Variants in LAMB4 observed in about 807,000 individuals in gnomAD.
The protein encoded by LAMB4 is laminin subunit beta 4.
A neutral mutation model predicts 199.2 loss-of-function variants in LAMB4; 196 were observed. That is an observed-to-expected ratio of 0.98 (90% CI 0.88 to 1.11). LAMB4 has a LOEUF of 1.11. LAMB4 is among the 50% of genes least tolerant of loss of function. The pLI, the probability that LAMB4 is intolerant of heterozygous loss-of-function variation, is 0.00. For missense variants in LAMB4, 2,080 were observed against 2,171.2 expected (o/e 0.96, Z 0.83); for synonymous variants, 744 against 770.6 (o/e 0.97, Z 0.57).
At chr7:108,089,401 C>A (rs2037313400) in intron 14 of LAMB4, among the ~76,000 whole-genome samples, 2 of 152,162 alleles carry the variant, frequency 1.3e-5, no homozygotes, top group African/African-American at 2.4e-5. Context: ...TGCCTTGGTT[C>A]TCCTCTGAAT....
intron 1 of LAMB4, among the ~76,000 whole-genome samples, chr7:108,127,198 T>C: frequency 7.2e-6 from 1 of 139,358 alleles, no homozygotes; most frequent in African/African-American, 2.5e-5. Flanking sequence ...TGTTTTTTTT[T>C]TTTTTTTGAA....
chr7:108,110,222 T>G (rs2150668824), intron 4 of LAMB4, among the ~76,000 whole-genome samples: 1 of 152,236 alleles, frequency 6.6e-6, no homozygotes, highest in South Asian at 2.1e-4. Context: ...AGAGACAGGG[T>G]TTTGCCATGT....
At chr7:108,087,127 G>A (rs904857276) in intron 14 of LAMB4, among the ~76,000 whole-genome samples, 4 of 152,134 alleles carry the variant, frequency 2.6e-5, no homozygotes, top group African/African-American at 9.7e-5. Context: ...CAATGTCCAC[G>A]AAGCCTTCTC....
chr7:108,091,505 G>T, intron 14 of LAMB4, 121 bp downstream of exon 14: 1 of 1,107,066 alleles, frequency 9.0e-7, no homozygotes, highest in Non-Finnish European at 1.3e-6. Context: ...ACTCTGATCT[G>T]CATCTTTGGG....
intron 2 of LAMB4, among the ~76,000 whole-genome samples, chr7:108,118,307 G>A (rs572178227): frequency 1.7e-4 from 26 of 152,090 alleles, no homozygotes; most frequent in African/African-American, 6.0e-4. Flanking sequence ...AAGGGCAGAG[G>A]ACCTAGAATG....
chr7:108,048,979 C>T (rs1369549861), intron 27 of LAMB4, among the ~76,000 whole-genome samples: 1 of 152,198 alleles, frequency 6.6e-6, no homozygotes, highest in Non-Finnish European at 1.5e-5. Flanking sequence ...GCGTGAGCCA[C>T]CGTGCCCAGC....
chr7:108,107,861 G>A, intron 5 of LAMB4, 42 bp from the exon 6 acceptor site: 1 of 1,323,922 alleles, frequency 7.6e-7, no homozygotes, highest in Non-Finnish European at 1.0e-6. Context: ...CACAAAGGCA[G>A]ATTTTATTAT....
In LAMB4 at chr7:108,063,449, G is replaced by A. The variant is rs140287342; in HGVS notation, c.3061+312C>T. On this transcript the variant is annotated intron_variant, in intron 22 of 33. Coordinates refer to ENST00000388781, the MANE Select transcript of LAMB4 (RefSeq NM_007356.3). ...ATACACCTCACCTCCCCACTGCTCTGGCACAGGTGAACTGCGGACTAAACT... is the reference window on the plus strand; with the variant it reads ...ATACACCTCACCTCCCCACTGCTCTAGCACAGGTGAACTGCGGACTAAACT... Among the ~76,000 whole-genome samples the A allele has an allele frequency of 1.3e-3, 198 of 152,272 alleles. 1 individual carries two copies. Among genetic ancestry groups the A allele is most frequent in the African/African-American group, 4.7e-3 (194 of 41,556 alleles).
At chr7:108,055,556 C>G in intron 25 of LAMB4, 76 bp downstream of exon 25, 1 of 1,412,250 alleles carries the variant, frequency 7.1e-7, no homozygotes, top group Non-Finnish European at 9.7e-7. Flanking sequence ...AAATTGAAGG[C>G]TGACGATGTT....
chr7:108,042,953 G>C (rs919375919), intron 29 of LAMB4, among the ~76,000 whole-genome samples: 16 of 151,384 alleles, frequency 1.1e-4, no homozygotes, highest in African/African-American at 3.9e-4. Flanking sequence ...GTGTGTGTGT[G>C]TGTGTGTGTG....
chr7:108,072,229 ATGT>A (rs1175628322), intron 17 of LAMB4, among the ~76,000 whole-genome samples: 2 of 152,196 alleles, frequency 1.3e-5, no homozygotes, highest in Non-Finnish European at 2.9e-5. Flanking sequence ...TTTTTGAAAC[ATGT>A]TTACAACACA....
rs749644901 is a variant in LAMB4, at chr7:108,098,465, T to G, written c.1298A>C (p.Lys433Thr). The change falls in exon 11 of 34, where the codon AAA becomes ACA. Residue 433 changes from lysine (K) to threonine (T), a missense_variant. Coordinates refer to ENST00000388781, the MANE Select transcript of LAMB4 (RefSeq NM_007356.3). ...GTGGTTGGGTTTGCACTGGTCGCAT[T>G]TGGCTCCTTCCACGTTCTCTTTACA... The part of the protein sequence containing the change: ...CLCKENVEGA[K>T]CDQCKPNHYG... The G allele has an allele frequency of 1.3e-6, 2 of 1,563,374 alleles. No individual in the cohort carries two copies. Among genetic ancestry groups the G allele is most frequent in the East Asian group, 2.3e-5 (1 of 43,674 alleles).
intron 8 of LAMB4, among the ~76,000 whole-genome samples, chr7:108,105,445 G>GT (rs1165109359): frequency 1.3e-5 from 2 of 152,128 alleles, no homozygotes; most frequent in African/African-American, 4.8e-5. Flanking sequence ...AGTAATTTTG[G>GT]TTTTTGCAAT....
Position 108,105,973 on chromosome 7 carries a change from A to G in LAMB4, c.714T>C (p.Asp238=). ...INFTKLHTLG[D]ALLGRRQNDS... The stretch of plus-strand genomic sequence containing the variant: ...CATTTTGCCTCCTTCCAAGCAAAGC[A>G]TCCCCAAGGGTGTGGAGCTTGGTAA... Residue 238 remains aspartate, a synonymous_variant, in exon 8 of 34, where the codon GAT becomes GAC. Transcript: ENST00000388781. 1 of 1,614,240 alleles carries G rather than the reference A, an allele frequency of 6.2e-7. No individual in the cohort carries two copies.
intron 14 of LAMB4, among the ~76,000 whole-genome samples, chr7:108,090,168 G>C (rs1236138745): frequency 6.6e-6 from 1 of 152,164 alleles, no homozygotes; most frequent in Non-Finnish European, 1.5e-5. Flanking sequence ...TAAATACATG[G>C]AATATTAATA....
Position 108,110,210 on chromosome 7 carries a change from G to A in LAMB4, c.329-966C>T, listed in dbSNP as rs180688009. 3.7e-3 allele frequency among the ~76,000 whole-genome samples: 556 copies of A among 152,214 alleles called. 1 individual carries two copies. Among genetic ancestry groups the A allele is most frequent in the Non-Finnish European group, 6.2e-3 (424 of 68,010 alleles). On this transcript the variant is annotated intron_variant, in intron 4 of 33. Transcript: ENST00000388781. Reference sequence around the variant, plus strand: ...TGCCTGGCTAATTTTTGTATTTTTAGTAGAGACAGGGTTTTGCCATGTTGG... The same window carrying A: ...TGCCTGGCTAATTTTTGTATTTTTAATAGAGACAGGGTTTTGCCATGTTGG...
chr7:108,118,276 T>G (rs2038478791), intron 2 of LAMB4, among the ~76,000 whole-genome samples: 1 of 152,142 alleles, frequency 6.6e-6, no homozygotes, highest in Admixed American at 6.5e-5. Context: ...ATTTTGTAGA[T>G]GTAAAATAGC....
chr7:108,108,055 C>T (rs2038088057), intron 5 of LAMB4, among the ~76,000 whole-genome samples: 1 of 152,164 alleles, frequency 6.6e-6, no homozygotes, highest in South Asian at 2.1e-4. Flanking sequence ...ATCCTCCCAC[C>T]TCAGCCTCCT....
intron 23 of LAMB4, among the ~76,000 whole-genome samples, chr7:108,059,097 CTTTTT>C (rs57814646): frequency 9.3e-6 from 1 of 107,842 alleles, no homozygotes; most frequent in African/African-American, 3.6e-5. Context: ...CAATCTGCCA[CTTTTT>C]TTTTTTTTTT....
Sources: gnomAD v4.1 joint callset for allele counts (sites outside exome capture counted in the v4.1 genomes callset) on GRCh38, gnomAD v4.1.1 for gene constraint, MANE v1.5 for transcripts, NCBI Gene and HGNC (gene_info 2026-07-23, HGNC 2026-07-21) for gene names.